The following PTPRD variants were observed in gnomAD, a reference collection of about 807,000 sequenced individuals.
PTPRD encodes the protein protein tyrosine phosphatase receptor type D, also known as receptor-type tyrosine-protein phosphatase delta.
PTPRD carries 34 observed loss-of-function variants against 214.5 expected under a neutral mutation model. The ratio of observed to expected loss-of-function variants is 0.16; its 90% CI spans 0.12 to 0.21. The LOEUF (loss-of-function observed/expected upper bound fraction) is 0.21. Ranked by LOEUF, PTPRD falls within the 10% of genes least tolerant of loss-of-function variation. The pLI, the probability that PTPRD is intolerant of heterozygous loss-of-function variation, is 1.00. For synonymous variants in PTPRD, 1,128 were observed against 845.7 expected (o/e 1.33, Z -5.79); for missense variants, 2,545 against 2,398.7 (o/e 1.06, Z -1.27).
intron 4 of PTPRD, among the ~76,000 whole-genome samples, chr9:9,998,866 G>C (rs1284106275): frequency 1.3e-5 from 2 of 152,126 alleles, no homozygotes; most frequent in African/African-American, 4.8e-5. Flanking sequence ...CTGCCATTTG[G>C]AAGAAAAGAC....
chr9:9,397,624 C>T (rs775453657), intron 8 of PTPRD, 142 bp from the exon 9 acceptor site: 4 of 152,018 alleles, frequency 2.6e-5, no homozygotes, highest in Non-Finnish European at 5.9e-5. Flanking sequence ...TATCTGACCT[C>T]AATTATTTAT....
In PTPRD at chr9:10,031,761, A is replaced by G. The variant is rs528890749; in HGVS notation, c.-472+1957T>C. ...TGTGCCAGCAGAGCCTATTTTTTTT[A>G]TGGAGTTTACTAGATTCGTAGATCA... On this transcript the variant is annotated intron_variant, in intron 4 of 45. Transcript: ENST00000381196. Among the ~76,000 whole-genome samples the G allele has an allele frequency of 7.3e-5, 11 of 150,784 alleles. No individual in the cohort carries two copies. The South Asian group carries it at 2.3e-3, about 32-fold the overall frequency.
In PTPRD at chr9:9,148,434, C is replaced by T. The variant is rs915079300; in HGVS notation, c.-143+34870G>A. Among the ~76,000 whole-genome samples, 5 of 151,926 alleles carry T rather than the reference C, an allele frequency of 3.3e-5. 1 individual carries two copies. The highest frequency in any genetic ancestry group is 4.2e-4 in the South Asian group (2 of 4,802). On this transcript the variant is annotated intron_variant, in intron 10 of 45. Coordinates refer to ENST00000381196, the MANE Select transcript of PTPRD (RefSeq NM_002839.4). ...TGGAAATAAAATTGACTTCAGCAGA[C>T]GGAAAGAAAAAAAATACAGCTTCTT...
intron 5 of PTPRD, among the ~76,000 whole-genome samples, chr9:9,807,083 C>G (rs889763200): frequency 2.6e-5 from 4 of 152,132 alleles, no homozygotes; most frequent in Admixed American, 6.5e-5. Flanking sequence ...AAGTATATTT[C>G]TTTTTGTTTC....
chr9:10,269,173 A>G (rs565451334), intron 3 of PTPRD, among the ~76,000 whole-genome samples: 51 of 147,584 alleles, frequency 3.5e-4, no homozygotes, highest in African/African-American at 1.2e-3. Flanking sequence ...CAGATTAAAC[A>G]CTCCAGGAAA....
intron 3 of PTPRD, among the ~76,000 whole-genome samples, chr9:10,117,612 G>GTTTTTTTTTTTTTTTTTTTTT: frequency 6.9e-6 from 1 of 144,666 alleles, no homozygotes; most frequent in Non-Finnish European, 1.5e-5. Context: ...AAATCTCCCC[G>GTTTTTTTTTTTTTTTTTTTTT]TTTTTTTTTT....
At chr9:8,796,148 A>C (rs1292692240) in intron 11 of PTPRD, among the ~76,000 whole-genome samples, 1 of 152,202 alleles carries the variant, frequency 6.6e-6, no homozygotes, top group Non-Finnish European at 1.5e-5. Flanking sequence ...GATGTTTAGG[A>C]ATATACATGT....
At chr9:9,985,269 GAA>G (rs1314838750) in intron 4 of PTPRD, among the ~76,000 whole-genome samples, 2 of 152,138 alleles carry the variant, frequency 1.3e-5, no homozygotes, top group Non-Finnish European at 2.9e-5. Flanking sequence ...ACCAGAGATA[GAA>G]AAGTTTTCTT....
intron 11 of PTPRD, among the ~76,000 whole-genome samples, chr9:8,989,062 T>C (rs1451368180): frequency 6.6e-6 from 1 of 152,126 alleles, no homozygotes; most frequent in Admixed American, 6.6e-5. Context: ...GGATTTCAAC[T>C]ACCTATGTCT....
intron 2 of PTPRD, among the ~76,000 whole-genome samples, chr9:10,399,839 G>A (rs1020720873): frequency 6.6e-6 from 1 of 151,806 alleles, no homozygotes; most frequent in Non-Finnish European, 1.5e-5. Flanking sequence ...ACAAGTGGTG[G>A]GAAGAAAAGG....
intron 11 of PTPRD, among the ~76,000 whole-genome samples, chr9:8,853,525 T>C (rs1034280262): frequency 6.6e-5 from 10 of 152,160 alleles, no homozygotes; most frequent in East Asian, 1.9e-4. Flanking sequence ...AGATTACCCA[T>C]ATAGAAAATG....
intron 33 of PTPRD, among the ~76,000 whole-genome samples, chr9:8,451,644 G>A (rs2095956464): frequency 6.6e-6 from 1 of 152,162 alleles, no homozygotes; most frequent in African/African-American, 2.4e-5. Context: ...AAACGTCACT[G>A]GGTGCAGCCA....
chr9:10,266,758 A>G (rs568317702), intron 3 of PTPRD, among the ~76,000 whole-genome samples: 2 of 152,322 alleles, frequency 1.3e-5, no homozygotes, highest in East Asian at 3.9e-4. Flanking sequence ...AAAAAAATCT[A>G]TAACCTAGAT....
intron 32 of PTPRD, among the ~76,000 whole-genome samples, chr9:8,462,285 T>C (rs150761114): frequency 6.6e-6 from 1 of 152,018 alleles, no homozygotes; most frequent in Non-Finnish European, 1.5e-5. Context: ...AACACTGATA[T>C]TAGCTAATCA....
At chr9:8,481,139 CAAAAAAAA>C (rs34451513) in intron 30 of PTPRD, among the ~76,000 whole-genome samples, 6 of 39,436 alleles carry the variant, frequency 1.5e-4, no homozygotes, top group Non-Finnish European at 2.3e-4. Flanking sequence ...GACTCCGTCT[CAAAAAAAA>C]AAAAAAAAAA....
At chr9:9,138,098 C>A (rs1454271453) in intron 10 of PTPRD, among the ~76,000 whole-genome samples, 2 of 151,860 alleles carry the variant, frequency 1.3e-5, no homozygotes, top group Admixed American at 6.6e-5. Flanking sequence ...CTATGATAGA[C>A]CAGAGCAGAT....
intron 12 of PTPRD, among the ~76,000 whole-genome samples, chr9:8,691,333 A>G (rs2097795420): frequency 6.6e-6 from 1 of 151,930 alleles, no homozygotes; most frequent in South Asian, 2.1e-4. Context: ...AAGGGAAACA[A>G]TTTCTGAGGA....
chr9:8,526,199 C>T (rs896994507), intron 17 of PTPRD, among the ~76,000 whole-genome samples: 1 of 115,386 alleles, frequency 8.7e-6, no homozygotes, highest in Non-Finnish European at 1.8e-5. Context: ...TGGTCCAGAA[C>T]AAGAACAGCT....
chr9:8,648,338 T>C (rs145462079), intron 12 of PTPRD, among the ~76,000 whole-genome samples: 17 of 152,300 alleles, frequency 1.1e-4, no homozygotes, highest in East Asian at 5.8e-4. Flanking sequence ...TCCTGAACTA[T>C]TGATGTGCTT....
Sources: gnomAD v4.1 joint callset for allele counts (sites outside exome capture counted in the v4.1 genomes callset) on GRCh38, gnomAD v4.1.1 for gene constraint, MANE v1.5 for transcripts, NCBI Gene and HGNC (gene_info 2026-07-23, HGNC 2026-07-21) for gene names.